The following CALN1 variants were observed in gnomAD, a reference collection of about 807,000 sequenced individuals.
CALN1 encodes the protein calcium-binding protein 8.
In CALN1, 17 loss-of-function variants were observed where a neutral mutation model predicts 30.6. The observed-to-expected ratio is 0.56, with a 90% CI of 0.38 to 0.83. The LOEUF (loss-of-function observed/expected upper bound fraction) is 0.83. CALN1 is among the 40% of genes least tolerant of loss of function. CALN1 has a pLI of 0.00. For missense variants in CALN1, 291 were observed against 354.9 expected, an observed-to-expected ratio of 0.82 and a Z score of 1.45; for synonymous variants, 156 against 131.4, an observed-to-expected ratio of 1.19 and a Z score of -1.28.
chr7:71,960,483 G>A lies in CALN1; in HGVS notation c.501+63174C>T, dbSNP rs554395019. On this transcript the variant is annotated intron_variant, in intron 5 of 6. Coordinates refer to ENST00000395275, the MANE Select transcript of CALN1 (RefSeq NM_031468.4). ...AGGATAGTAGCTTCCACTTCCATCC[G>A]TGTTGCTGCAGAAGATAATGATTGC... Among the ~76,000 whole-genome samples, 35 of 152,250 alleles carry A rather than the reference G, an allele frequency of 2.3e-4. No individual in the cohort carries two copies. The South Asian group carries it at 5.4e-3, about 23-fold the overall frequency.
At chr7:71,800,760 C>A (rs1182207060) in intron 6 of CALN1, among the ~76,000 whole-genome samples, 1 of 150,070 alleles carries the variant, frequency 6.7e-6, no homozygotes, top group Non-Finnish European at 1.5e-5. Context: ...TGGGCATTGA[C>A]AGGTAGACCC....
At chr7:72,358,711 G>A (rs907023275) in intron 2 of CALN1, among the ~76,000 whole-genome samples, 1 of 152,158 alleles carries the variant, frequency 6.6e-6, no homozygotes, top group African/African-American at 2.4e-5. Context: ...AGCACTTTGG[G>A]AGGCGGAGGC....
intron 6 of CALN1, among the ~76,000 whole-genome samples, chr7:71,803,986 G>A (rs1271142956): frequency 6.7e-6 from 1 of 150,074 alleles, no homozygotes; most frequent in Non-Finnish European, 1.5e-5. Context: ...GCATGTGTCT[G>A]TTGTTTGTGT....
chr7:72,058,832 A>G (rs1296309523), intron 4 of CALN1, among the ~76,000 whole-genome samples: 1 of 152,186 alleles, frequency 6.6e-6, no homozygotes, highest in Non-Finnish European at 1.5e-5. Flanking sequence ...AAGGACAGTG[A>G]CGTGCAAAAG....
Position 71,780,685 on chromosome 7 carries a change from T to C in CALN1, c.*7090A>G, listed in dbSNP as rs1212737006. ...CTATCAACATATACTGGAAGTGCTG[T>C]TATAGTGGCCAGAAAAAAAAAAAAG... On this transcript the variant is annotated 3_prime_UTR_variant, in exon 7 of 7. Transcript: ENST00000395275. 6.6e-6 allele frequency: 1 copy of C among 151,970 alleles called. No homozygotes were observed. Among genetic ancestry groups the C allele is most frequent in the Admixed American group, 6.6e-5 (1 of 15,250 alleles). The allele number at this position is 151,970 out of a possible 1,614,324, so 9.4% of individuals were successfully genotyped here. A position where few individuals can be genotyped will look rare whatever the true frequency, so the allele number is the denominator to read the frequency against.
chr7:72,069,367 A>G (rs1258956729), intron 4 of CALN1, among the ~76,000 whole-genome samples: 1 of 152,178 alleles, frequency 6.6e-6, no homozygotes, highest in Non-Finnish European at 1.5e-5. Flanking sequence ...GCTTTAAAAA[A>G]ACAAAACATG....
chr7:72,205,551 A>ATATATATAC lies in CALN1; in HGVS notation c.244+73134_244+73135insGTATATATA, dbSNP rs1554319582. 1.1e-4 allele frequency among the ~76,000 whole-genome samples: 9 copies of ATATATATAC among 83,042 alleles called. No homozygotes were observed. The East Asian group carries it at 2.6e-3, about 24-fold the overall frequency. 54.5% of individuals were successfully genotyped at this position (83,042 alleles called of 152,430 possible). A position where few individuals can be genotyped will look rare whatever the true frequency, so the allele number is the denominator to read the frequency against. ...ATTTTTCTCCTGATTGCAAAAAAAA[A>ATATATATAC]ATATATATATATATATGTATATATA... On this transcript the variant is annotated intron_variant, in intron 3 of 6. Transcript: ENST00000395275.
chr7:71,867,549 C>G (rs1373749235), intron 5 of CALN1, among the ~76,000 whole-genome samples: 1 of 152,122 alleles, frequency 6.6e-6, no homozygotes, highest in East Asian at 1.9e-4. Flanking sequence ...ATTCTCCTGT[C>G]TCAGCCTCCC....
At chr7:72,372,889 T>C (rs1333587819) in intron 2 of CALN1, among the ~76,000 whole-genome samples, 3 of 152,120 alleles carry the variant, frequency 2.0e-5, no homozygotes, top group Non-Finnish European at 2.9e-5. Context: ...AATCCAAATA[T>C]GTTTGGGTGA....
intron 3 of CALN1, among the ~76,000 whole-genome samples, chr7:72,195,213 A>C (rs183350352): frequency 2.0e-5 from 3 of 152,162 alleles, no homozygotes; most frequent in African/African-American, 7.2e-5. Context: ...TCATCTTTTG[A>C]GCCCTTGCTC....
intron 5 of CALN1, among the ~76,000 whole-genome samples, chr7:71,998,896 C>T (rs1010996399): frequency 9.2e-5 from 14 of 151,916 alleles, no homozygotes; most frequent in African/African-American, 3.1e-4. Context: ...AAGATGGAAT[C>T]CTAAAAGCTG....
At chr7:72,024,145 T>C (rs1057427126) in intron 4 of CALN1, among the ~76,000 whole-genome samples, 2 of 152,332 alleles carry the variant, frequency 1.3e-5, no homozygotes, top group East Asian at 3.9e-4. Flanking sequence ...CACCCACATA[T>C]ACATGTAGTC....
intron 5 of CALN1, among the ~76,000 whole-genome samples, chr7:71,814,772 A>C (rs961101663): frequency 5.9e-5 from 9 of 151,862 alleles, no homozygotes; most frequent in Non-Finnish European, 7.4e-5. Flanking sequence ...TTCTCCCTAG[A>C]TTACTTTATT....
At chr7:71,801,094 G>A (rs1350058582) in intron 6 of CALN1, among the ~76,000 whole-genome samples, 2 of 152,192 alleles carry the variant, frequency 1.3e-5, no homozygotes, top group African/African-American at 4.8e-5. Flanking sequence ...TTAGTTTGCT[G>A]AGGATAATGG....
intron 2 of CALN1, among the ~76,000 whole-genome samples, chr7:72,312,382 G>A (rs941014307): frequency 1.8e-4 from 23 of 129,022 alleles, no homozygotes; most frequent in African/African-American, 6.4e-4. Flanking sequence ...AACAGAGTGA[G>A]ACTTCATCTC....
chr7:71,843,419 G>A (rs1289034783), intron 5 of CALN1, among the ~76,000 whole-genome samples: 1 of 152,084 alleles, frequency 6.6e-6, no homozygotes, highest in Non-Finnish European at 1.5e-5. Flanking sequence ...AGGACTTCAA[G>A]ACTAGCCTAG....
chr7:72,394,545 G>A (rs1805787212), intron 2 of CALN1, among the ~76,000 whole-genome samples: 1 of 151,842 alleles, frequency 6.6e-6, no homozygotes, highest in Non-Finnish European at 1.5e-5. Context: ...ATCAACTGTT[G>A]AGTGAAAAAA....
intron 3 of CALN1, among the ~76,000 whole-genome samples, chr7:72,146,477 T>C (rs936368576): frequency 2.0e-5 from 3 of 152,120 alleles, no homozygotes; most frequent in East Asian, 3.9e-4. Flanking sequence ...AGGATACAAA[T>C]AAATGGAAGA....
At chr7:72,342,217 C>T (rs982011627) in intron 2 of CALN1, among the ~76,000 whole-genome samples, 2 of 150,322 alleles carry the variant, frequency 1.3e-5, no homozygotes, top group Non-Finnish European at 2.9e-5. Flanking sequence ...TGTGGTCACA[C>T]CACTGCACTC....
Sources: gnomAD v4.1 joint callset for allele counts (sites outside exome capture counted in the v4.1 genomes callset) on GRCh38, gnomAD v4.1.1 for gene constraint, MANE v1.5 for transcripts, NCBI Gene and HGNC (gene_info 2026-07-23, HGNC 2026-07-21) for gene names.